Variants in PRDM16 observed in about 807,000 individuals in gnomAD.
PRDM16 encodes PR/SET domain 16, also known as histone-lysine N-methyltransferase PRDM16.
In PRDM16, 23 loss-of-function variants were observed where a neutral mutation model predicts 110.6. The ratio of observed to expected loss-of-function variants is 0.21; its 90% CI spans 0.15 to 0.29. The LOEUF is 0.29. Ranked by LOEUF, PRDM16 falls within the 10% of genes least tolerant of loss-of-function variation. The probability of loss-of-function intolerance (pLI) is 1.00; values close to 1 mark genes in which losing one functional copy is unlikely to be tolerated. For synonymous variants in PRDM16, 799 were observed against 781.8 expected, an observed-to-expected ratio of 1.02 and a Z score of -0.37; for missense variants, 1,615 against 1,794.3, an observed-to-expected ratio of 0.90 and a Z score of 1.81.
chr1:3,367,670 G>A (rs920714495), intron 3 of PRDM16, among the ~76,000 whole-genome samples: 10 of 152,176 alleles, frequency 6.6e-5, no homozygotes, highest in Admixed American at 2.0e-4. Flanking sequence ...TGTAGACTAC[G>A]TGTATAAATA....
At chr1:3,181,357 C>T (rs1644175110) in intron 1 of PRDM16, among the ~76,000 whole-genome samples, 4 of 66,710 alleles carry the variant, frequency 6.0e-5, no homozygotes, top group Non-Finnish European at 9.8e-5. Context: ...CGGTCTTACA[C>T]ACGGTCTTAC....
chr1:3,280,755 G>A (rs539630874), intron 3 of PRDM16, among the ~76,000 whole-genome samples: 2 of 152,360 alleles, frequency 1.3e-5, no homozygotes, highest in South Asian at 4.1e-4. Context: ...CCCGTTCCTA[G>A]GTGAAGTGAG....
chr1:3,091,278 G>A (rs1274717268), intron 1 of PRDM16, among the ~76,000 whole-genome samples: 1 of 152,196 alleles, frequency 6.6e-6, no homozygotes, highest in Non-Finnish European at 1.5e-5. Context: ...GGGAAACTGA[G>A]GCCTAGGGAG....
In PRDM16 at chr1:3,209,447, TC is replaced by T. The variant is rs1638829356; in HGVS notation, c.387+22974del. 6.6e-6 allele frequency among the ~76,000 whole-genome samples: 1 copy of T among 151,982 alleles called. No individual in the cohort carries two copies. Among genetic ancestry groups the T allele is most frequent in the African/African-American group, 2.4e-5 (1 of 41,352 alleles). ...TTCTTCCTGGGGAGGCCTGTGAAGG[TC>T]GCGTGAATGCCTGTGTCCCCCGGGA... is the stretch of plus-strand genomic sequence containing the variant. On this transcript the variant is annotated intron_variant, in intron 2 of 16. Transcript: ENST00000270722. The surrounding 1 kb of genome is among the most constrained non-coding windows in gnomAD (Gnocchi z 4.6).
At chr1:3,097,051 G>A (rs1375919723) in intron 1 of PRDM16, among the ~76,000 whole-genome samples, 3 of 152,176 alleles carry the variant, frequency 2.0e-5, no homozygotes, top group Admixed American at 2.0e-4. Context: ...TGTGCTCCTG[G>A]GGGACCCTTT....
intron 8 of PRDM16, among the ~76,000 whole-genome samples, chr1:3,407,771 A>C (rs376294165): frequency 6.6e-6 from 1 of 152,170 alleles, no homozygotes; most frequent in Admixed American, 6.5e-5. Context: ...TTCCCACCAC[A>C]CTGCAGGCTG....
intron 5 of PRDM16, 28 bp from the exon 6 acceptor site, chr1:3,402,763 C>CA (rs1351872449): frequency 1.9e-6 from 3 of 1,594,884 alleles, no homozygotes; most frequent in African/African-American, 2.7e-5. Flanking sequence ...CCAGCTCACT[C>CA]ACCACCACCT....
chr1:3,114,467 G>A lies in PRDM16; in HGVS notation c.37+45171G>A, dbSNP rs1027555987. 5.7e-5 allele frequency among the ~76,000 whole-genome samples: 8 copies of A among 140,602 alleles called. No individual in the cohort carries two copies. The East Asian group carries it at 8.8e-4, about 15-fold the overall frequency. 92.2% of individuals were successfully genotyped at this position (140,602 alleles called of 152,430 possible). ...CGCACACGCACACACACGCACACAC[G>A]CAGTGTAAACAGACACGCACGCACG... On this transcript the variant is annotated intron_variant, in intron 1 of 16. Coordinates refer to ENST00000270722, the MANE Select transcript of PRDM16 (RefSeq NM_022114.4).
chr1:3,212,786 C>T (rs1201849497), intron 2 of PRDM16, among the ~76,000 whole-genome samples: 1 of 152,230 alleles, frequency 6.6e-6, no homozygotes, highest in African/African-American at 2.4e-5. Context: ...GCCGCTACCT[C>T]GGCGTGGCTC....
At chr1:3,321,015 G>A (rs570135200) in intron 3 of PRDM16, among the ~76,000 whole-genome samples, 6 of 152,352 alleles carry the variant, frequency 3.9e-5, no homozygotes, top group East Asian at 3.9e-4. Context: ...AGCCTGACTC[G>A]TGTCCTCTGC....
chr1:3,091,505 C>G (rs751864015), intron 1 of PRDM16, among the ~76,000 whole-genome samples: 1 of 152,236 alleles, frequency 6.6e-6, no homozygotes, highest in East Asian at 1.9e-4. Context: ...ATCCACTCCT[C>G]GTGCCGGCTC....
chr1:3,318,097 T>C (rs1198828317), intron 3 of PRDM16, among the ~76,000 whole-genome samples: 13 of 152,166 alleles, frequency 8.5e-5, no homozygotes, highest in Admixed American at 8.5e-4. Flanking sequence ...ATTGCAGTCA[T>C]GAGCCGGAGT....
chr1:3,144,670 G>A (rs187979955), intron 1 of PRDM16, among the ~76,000 whole-genome samples: 94 of 152,314 alleles, frequency 6.2e-4, no homozygotes, highest in African/African-American at 2.1e-3. Context: ...AAGGCGTGGG[G>A]GCTTTGCACC....
At chr1:3,380,160 C>G (rs1159771708) in intron 3 of PRDM16, among the ~76,000 whole-genome samples, 2 of 151,114 alleles carry the variant, frequency 1.3e-5, no homozygotes, top group Admixed American at 6.6e-5. Context: ...GCCCTTCCGG[C>G]ACACCCTTCT....
chr1:3,251,083 C>T (rs900555331), intron 3 of PRDM16, among the ~76,000 whole-genome samples: 3 of 152,212 alleles, frequency 2.0e-5, no homozygotes, highest in Admixed American at 6.5e-5. Flanking sequence ...TTTAGAAGGA[C>T]ACACTCAGAC....
chr1:3,103,632 C>T (rs1414860039), intron 1 of PRDM16, among the ~76,000 whole-genome samples: 2 of 152,178 alleles, frequency 1.3e-5, no homozygotes, highest in African/African-American at 2.4e-5. Flanking sequence ...CATTGGGCAT[C>T]GCCTTAAGCA....
At chr1:3,135,017 C>T (rs779166559) in intron 1 of PRDM16, among the ~76,000 whole-genome samples, 1 of 152,216 alleles carries the variant, frequency 6.6e-6, no homozygotes, top group Non-Finnish European at 1.5e-5. Context: ...TCCTGGTCCG[C>T]GTGCTGCTGC....
At chr1:3,286,736 G>C (rs1640852604) in intron 3 of PRDM16, among the ~76,000 whole-genome samples, 2 of 152,206 alleles carry the variant, frequency 1.3e-5, no homozygotes, top group Non-Finnish European at 2.9e-5. Flanking sequence ...GCCTCTACGT[G>C]CTGGGCGCTT....
chr1:3,179,995 G>A (rs1025574060), intron 1 of PRDM16, among the ~76,000 whole-genome samples: 1 of 151,954 alleles, frequency 6.6e-6, no homozygotes, highest in African/African-American at 2.4e-5. Context: ...GGTCTGCAGC[G>A]CAGAATCGTT....
Sources: gnomAD v4.1 joint callset for allele counts (sites outside exome capture counted in the v4.1 genomes callset) on GRCh38, gnomAD v4.1.1 for gene constraint, Gnocchi (gnomAD v3.1) non-coding constraint, MANE v1.5 for transcripts, NCBI Gene and HGNC (gene_info 2026-07-23, HGNC 2026-07-21) for gene names.